Variants in PDE8B observed in about 807,000 individuals in gnomAD.
The protein encoded by PDE8B is high affinity cAMP-specific and IBMX-insensitive 3',5'-cyclic phosphodiesterase 8B.
PDE8B carries 26 observed loss-of-function variants against 101.3 expected under a neutral mutation model. The ratio of observed to expected loss-of-function variants is 0.26; its 90% CI spans 0.19 to 0.36. The LOEUF (loss-of-function observed/expected upper bound fraction) is 0.36. Among genes scored for constraint, PDE8B ranks in the 10% least tolerant of loss-of-function variants. The pLI is 1.00. For synonymous variants in PDE8B, 424 were observed against 429.3 expected, an observed-to-expected ratio of 0.99 and a Z score of 0.15; for missense variants, 810 against 1,163.1, an observed-to-expected ratio of 0.70 and a Z score of 4.42.
chr5:77,426,428 C>T lies in PDE8B; in HGVS notation c.2549-17C>T. 6.4e-7 allele frequency: 1 copy of T among 1,557,378 alleles called. No individual in the cohort carries two copies. The highest frequency in any genetic ancestry group is 8.9e-7 in the Non-Finnish European group (1 of 1,128,602). On this transcript the variant is annotated splice_polypyrimidine_tract_variant and intron_variant, in intron 21 of 21. Transcript: ENST00000264917. ...CTAAGTTCACCGGTTTCTTTTGATTCTTTTCTGTCTTTGCAGCCTTTGCAC... is the reference window on the plus strand; with the variant it reads ...CTAAGTTCACCGGTTTCTTTTGATTTTTTTCTGTCTTTGCAGCCTTTGCAC...
At chr5:77,195,437 C>A in the PDE8B span, among the ~76,000 whole-genome samples, 1 of 152,290 alleles carries the variant, frequency 6.6e-6, no homozygotes, top group African/African-American at 2.4e-5. Context: ...TGCAGTTTCC[C>A]CATATCATTG....
chr5:77,369,299 G>A (rs1484125836), intron 10 of PDE8B, among the ~76,000 whole-genome samples: 1 of 151,680 alleles, frequency 6.6e-6, no homozygotes, highest in East Asian at 1.9e-4. Context: ...ATTGAAGGGT[G>A]AGATGGAAAG....
chr5:77,276,019 G>A (rs1394163114), intron 1 of PDE8B, among the ~76,000 whole-genome samples: 1 of 152,180 alleles, frequency 6.6e-6, no homozygotes, highest in African/African-American at 2.4e-5. Context: ...CAAAATATGA[G>A]TGTAGTTCCT....
the PDE8B span, chr5:77,147,262 G>T: frequency 3.9e-6 from 1 of 256,820 alleles, no homozygotes; most frequent in Non-Finnish European, 7.9e-6. Context: ...GTAAGGCTGT[G>T]TAACATTTGT....
chr5:77,273,601 T>C (rs1763212957), intron 1 of PDE8B, among the ~76,000 whole-genome samples: 1 of 152,102 alleles, frequency 6.6e-6, no homozygotes, highest in South Asian at 2.1e-4. Context: ...AATAACTTGC[T>C]TTTGCCTGGG....
intron 18 of PDE8B, among the ~76,000 whole-genome samples, chr5:77,419,414 T>G (rs1796179623): frequency 6.6e-6 from 1 of 152,238 alleles, no homozygotes; most frequent in Non-Finnish European, 1.5e-5. Flanking sequence ...GGCCAGCTTA[T>G]GTGGCTGCCG....
chr5:77,359,025 A>G (rs1782625164), intron 10 of PDE8B, among the ~76,000 whole-genome samples: 1 of 152,174 alleles, frequency 6.6e-6, no homozygotes, highest in South Asian at 2.1e-4. Context: ...TTTTCCTGAG[A>G]AACCACGTTT....
chr5:77,405,732 G>T (rs570352265), intron 12 of PDE8B, among the ~76,000 whole-genome samples: 1 of 152,268 alleles, frequency 6.6e-6, no homozygotes, highest in South Asian at 2.1e-4. Context: ...GAACAAGAGG[G>T]GATTGAGAAA....
In PDE8B at chr5:77,212,948, G is replaced by A. The variant is rs1748823629; in HGVS notation, c.339+1684G>A. Among the ~76,000 whole-genome samples, 3 of 152,258 alleles carry A rather than the reference G, an allele frequency of 2.0e-5. No individual in the cohort carries two copies. The South Asian group carries it at 6.2e-4, about 32-fold the overall frequency. Reference sequence around the variant, plus strand: ...TGATACTTTTTTTGGTTGCTCCAGAGAAATTGTGAATTTTTGTTTTCTAGA... The same window carrying A: ...TGATACTTTTTTTGGTTGCTCCAGAAAAATTGTGAATTTTTGTTTTCTAGA... On this transcript the variant is annotated intron_variant, in intron 1 of 21. Coordinates refer to ENST00000264917, the MANE Select transcript of PDE8B (RefSeq NM_003719.5).
Position 77,210,961 on chromosome 5 carries a change from C to T in PDE8B, c.36C>T (p.Ser12=), listed in dbSNP as rs771822758. 10 of 1,524,902 alleles carry T rather than the reference C, an allele frequency of 6.6e-6. No homozygotes were observed. Among genetic ancestry groups the T allele is most frequent in the Non-Finnish European group, 2.6e-6 (3 of 1,145,678 alleles). 94.5% of individuals were successfully genotyped at this position (1,524,902 alleles called of 1,614,324 possible). A position where few individuals can be genotyped will look rare whatever the true frequency, so the allele number is the denominator to read the frequency against. ...GCAPSIHVSQ[S]GVIYCRDSDE... is the part of the protein sequence containing the mutation. ...CCCCCAGCATCCATGTCTCGCAGAG[C>T]GGCGTGATCTACTGCCGGGACTCGG... Residue 12 remains serine, a synonymous_variant, in exon 1 of 22, where the codon AGC becomes AGT. Coordinates refer to ENST00000264917, the MANE Select transcript of PDE8B (RefSeq NM_003719.5). The surrounding 1 kb of genome is among the most constrained non-coding windows in gnomAD (Gnocchi z 4.9).
intron 17 of PDE8B, among the ~76,000 whole-genome samples, chr5:77,416,295 TAAAC>T (rs1795549117): frequency 6.6e-6 from 1 of 152,148 alleles, no homozygotes; most frequent in Non-Finnish European, 1.5e-5. Context: ...AATTAAAAAA[TAAAC>T]AGGCCTGAGA....
At chr5:77,313,216 G>A (rs769082832) in intron 2 of PDE8B, among the ~76,000 whole-genome samples, 19 of 151,792 alleles carry the variant, frequency 1.3e-4, no homozygotes, top group Admixed American at 3.9e-4. Flanking sequence ...AAGGAAATGT[G>A]CTATTTGATT....
chr5:77,319,704 G>A (rs1370974689), intron 2 of PDE8B, among the ~76,000 whole-genome samples: 1 of 152,218 alleles, frequency 6.6e-6, no homozygotes, highest in Non-Finnish European at 1.5e-5. Flanking sequence ...GGATGAAGAT[G>A]TCATAGAGGA....
chr5:77,137,133 C>G, the PDE8B span, among the ~76,000 whole-genome samples: 3 of 152,144 alleles, frequency 2.0e-5, no homozygotes, highest in Non-Finnish European at 4.4e-5. Context: ...TTGTGATGTG[C>G]GCTTCTGTTT....
chr5:77,117,225 T>C, the PDE8B span, among the ~76,000 whole-genome samples: 5 of 152,212 alleles, frequency 3.3e-5, no homozygotes, highest in African/African-American at 1.2e-4. Flanking sequence ...GGACAAGCGC[T>C]CTGTCTCTGG....
the PDE8B span, among the ~76,000 whole-genome samples, chr5:77,188,948 C>A: frequency 6.6e-6 from 1 of 152,198 alleles, no homozygotes; most frequent in South Asian, 2.1e-4. Flanking sequence ...ACATTATCTG[C>A]TCCTGCCTGT....
chr5:77,302,160 T>C (rs1439124356), intron 1 of PDE8B, among the ~76,000 whole-genome samples: 2 of 152,230 alleles, frequency 1.3e-5, no homozygotes, highest in African/African-American at 2.4e-5. Context: ...CCAAGTTTTC[T>C]GTGTTTAGAT....
chr5:77,206,474 T>C (rs750619067), upstream of PDE8B, among the ~76,000 whole-genome samples: 1 of 152,126 alleles, frequency 6.6e-6, no homozygotes, highest in Non-Finnish European at 1.5e-5. Context: ...TAGGAAACGT[T>C]TGAGCAGAGA....
At chr5:77,382,009 C>A (rs920937833) in intron 10 of PDE8B, among the ~76,000 whole-genome samples, 1 of 152,128 alleles carries the variant, frequency 6.6e-6, no homozygotes, top group Non-Finnish European at 1.5e-5. Flanking sequence ...GTTCTGATTT[C>A]GTCTTGTTTA....
Sources: gnomAD v4.1 joint callset for allele counts (sites outside exome capture counted in the v4.1 genomes callset) on GRCh38, gnomAD v4.1.1 for gene constraint, Gnocchi (gnomAD v3.1) non-coding constraint, MANE v1.5 for transcripts, NCBI Gene and HGNC (gene_info 2026-07-23, HGNC 2026-07-21) for gene names.